The following TRIB2 variants were observed in gnomAD, a reference collection of about 807,000 sequenced individuals.
TRIB2 encodes tribbles pseudokinase 2, also known as tribbles homolog 2.
In TRIB2, 2 loss-of-function variants were observed where a neutral mutation model predicts 26.8. The observed-to-expected ratio is 0.07, with a 90% CI of 0.03 to 0.24. The LOEUF (loss-of-function observed/expected upper bound fraction) is 0.24. Ranked by LOEUF, TRIB2 falls within the 10% of genes least tolerant of loss-of-function variation. The pLI is 1.00. For missense variants in TRIB2, 306 were observed against 449.0 expected, an observed-to-expected ratio of 0.68 and a Z score of 2.88; for synonymous variants, 189 against 187.3, an observed-to-expected ratio of 1.01 and a Z score of -0.08.
At chr2:12,733,766 A>G (rs1661509432) in intron 2 of TRIB2, among the ~76,000 whole-genome samples, 1 of 152,164 alleles carries the variant, frequency 6.6e-6, no homozygotes, top group South Asian at 2.1e-4. Flanking sequence ...CAGGCCCTGT[A>G]GCTATTTGTT....
rs1434580040 is a variant in TRIB2 at position 12,741,121 on chromosome 2, A to G, written c.*327A>G. ...TTCCAAAATAGTTGCAGATCCTGAC[A>G]GAATCAAAACTCTCTGCCTCAAACA... On this transcript the variant is annotated 3_prime_UTR_variant, in exon 3 of 3. Transcript: ENST00000155926. 3.7e-6 allele frequency: 1 copy of G among 270,306 alleles called. No individual in the cohort carries two copies. Among genetic ancestry groups the G allele is most frequent in the African/African-American group, 2.2e-5 (1 of 45,682 alleles). The allele number at this position is 270,306 out of a possible 1,614,324, so 16.7% of individuals were successfully genotyped here. A position where few individuals can be genotyped will look rare whatever the true frequency, so the allele number is the denominator to read the frequency against.
chr2:12,736,304 C>A (rs552652767), intron 2 of TRIB2, among the ~76,000 whole-genome samples: 5 of 152,048 alleles, frequency 3.3e-5, no homozygotes, highest in Admixed American at 2.0e-4. Flanking sequence ...ATGTGAGGAA[C>A]AGCAAACAGG....
At position 12,718,051 on chromosome 2, in the gene TRIB2, G is replaced by T. The variant is rs113192828; in HGVS notation, c.-257G>T. ...AAGTGCGGCGATTCTGCACATCGCCGACTGCTTTGGGGTAACAAAAAGACC... is the reference window on the plus strand; with the variant it reads ...AAGTGCGGCGATTCTGCACATCGCCTACTGCTTTGGGGTAACAAAAAGACC... On this transcript the variant is annotated 5_prime_UTR_variant, in exon 1 of 3. Transcript: ENST00000155926. The surrounding 1 kb of genome is among the most constrained non-coding windows in gnomAD (Gnocchi z 4.0). 1.9e-6 allele frequency: 1 copy of T among 522,282 alleles called. No homozygotes were observed. The highest frequency in any genetic ancestry group is 1.9e-5 in the African/African-American group (1 of 52,786). 32.4% of individuals were successfully genotyped at this position (522,282 alleles called of 1,614,324 possible). A position where few individuals can be genotyped will look rare whatever the true frequency, so the allele number is the denominator to read the frequency against.
In TRIB2 at chr2:12,740,793, G is replaced by C; in HGVS notation, c.1031G>C (p.Ter344SerextTer13). 1 of 1,612,570 alleles carries C rather than the reference G, an allele frequency of 6.2e-7. No homozygotes were observed. The highest frequency in any genetic ancestry group is 8.5e-7 in the Non-Finnish European group (1 of 1,178,992). Residue 344 changes from the stop codon to serine, a stop_lost, in exon 3 of 3, where the codon TGA becomes TCA. Transcript: ENST00000155926. This position sits in a 1 kb window ranked among gnomAD's most constrained non-coding sequence, Gnocchi z 5.8. ...MEENLDPFFN[*>S] is the part of the protein sequence containing the mutation. ...GAGAACTTGGACCCTTTCTTTAACT[G>C]AGCTCATGCCCCACGGAGACTTAGC...
In TRIB2 at chr2:12,740,761, C is replaced by T; in HGVS notation, c.999C>T (p.Asn333=). Reference sequence around the variant, plus strand: ...CTGACCAGCTGGTGCCGGACGTCAACATGGAAGAGAACTTGGACCCTTTCT... The same window carrying T: ...CTGACCAGCTGGTGCCGGACGTCAATATGGAAGAGAACTTGGACCCTTTCT... ...EVSDQLVPDV[N]MEENLDPFFN The change falls in exon 3 of 3, where the codon AAC becomes AAT. Residue 333 remains asparagine, a synonymous_variant. Transcript: ENST00000155926. The surrounding 1 kb of genome is among the most constrained non-coding windows in gnomAD (Gnocchi z 5.8). 2 of 1,614,128 alleles carry T rather than the reference C, an allele frequency of 1.2e-6. 1 individual carries two copies. The highest frequency in any genetic ancestry group is 3.3e-4 in the Middle Eastern group (2 of 6,062).
intron 1 of TRIB2, among the ~76,000 whole-genome samples, chr2:12,721,928 C>T (rs1420139370): frequency 6.6e-6 from 1 of 152,222 alleles, no homozygotes; most frequent in Non-Finnish European, 1.5e-5. Flanking sequence ...CGGTATCGTG[C>T]ATGCATTTGA....
chr2:12,723,750 A>G (rs927588153), intron 2 of TRIB2, among the ~76,000 whole-genome samples, 198 bp downstream of exon 2: 2 of 152,362 alleles, frequency 1.3e-5, no homozygotes, highest in Admixed American at 1.3e-4. Flanking sequence ...TAAAGGTGTC[A>G]TCTGGTGCTC....
At chr2:12,737,124 C>T (rs1661596953) in intron 2 of TRIB2, among the ~76,000 whole-genome samples, 1 of 152,142 alleles carries the variant, frequency 6.6e-6, no homozygotes, top group Non-Finnish European at 1.5e-5. Flanking sequence ...GCAGCCGTGA[C>T]CAAGCCCTAG....
chr2:12,724,928 G>A, intron 2 of TRIB2: 1 of 1,442,908 alleles, frequency 6.9e-7, no homozygotes. Context: ...TTTAATAACT[G>A]CACCTACAAA....
At chr2:12,723,203 G>C in intron 1 of TRIB2, 57 bp from the exon 2 acceptor site, 1 of 1,556,392 alleles carries the variant, frequency 6.4e-7, no homozygotes, top group Non-Finnish European at 8.7e-7. Flanking sequence ...AGCATTATGT[G>C]TTTTGGTTGT....
chr2:12,732,086 G>A lies in TRIB2; in HGVS notation c.564-8240G>A, dbSNP rs1187644613. 1.3e-5 allele frequency among the ~76,000 whole-genome samples: 2 copies of A among 152,166 alleles called. No individual in the cohort carries two copies. Among genetic ancestry groups the A allele is most frequent in the Non-Finnish European group, 2.9e-5 (2 of 68,034 alleles). ...CTTTCTGTTCCTATGGCGACAGGAT[G>A]GACTTCCTCTGTGAAGCCCTGGCGG... On this transcript the variant is annotated intron_variant, in intron 2 of 2. Coordinates refer to ENST00000155926, the MANE Select transcript of TRIB2 (RefSeq NM_021643.4). The surrounding 1 kb of genome is among the most constrained non-coding windows in gnomAD (Gnocchi z 4.2).
intron 2 of TRIB2, among the ~76,000 whole-genome samples, chr2:12,726,088 G>A (rs1330958798): frequency 1.3e-5 from 2 of 152,244 alleles, no homozygotes; most frequent in Non-Finnish European, 2.9e-5. Flanking sequence ...GTCCCAGTGG[G>A]CTTGCTTTTC....
At chr2:12,739,309 G>T (rs1170582151) in intron 2 of TRIB2, among the ~76,000 whole-genome samples, 2 of 152,118 alleles carry the variant, frequency 1.3e-5, no homozygotes, top group Non-Finnish European at 2.9e-5. Context: ...ACCCAGGCTG[G>T]AATGCAGTAG....
rs189380107 is a variant in TRIB2, at chr2:12,719,867, T to C, written c.270+1290T>C. Among the ~76,000 whole-genome samples the C allele has an allele frequency of 2.6e-3, 391 of 152,294 alleles. 1 individual carries two copies. The highest frequency in any genetic ancestry group is 8.6e-3 in the African/African-American group (358 of 41,572). ...TGTACTGAGCATTTGGTATTTTGCATCTTCTCTAAGTTATTGAGACCCAGA... is the reference window on the plus strand; with the variant it reads ...TGTACTGAGCATTTGGTATTTTGCACCTTCTCTAAGTTATTGAGACCCAGA... On this transcript the variant is annotated intron_variant, in intron 1 of 2. Coordinates refer to ENST00000155926, the MANE Select transcript of TRIB2 (RefSeq NM_021643.4).
At chr2:12,728,046 A>G (rs1661371715) in intron 2 of TRIB2, among the ~76,000 whole-genome samples, 1 of 152,116 alleles carries the variant, frequency 6.6e-6, no homozygotes, top group African/African-American at 2.4e-5. Flanking sequence ...AGCTTGGGAG[A>G]AGTCCTGTTA....
At chr2:12,735,020 T>C (rs1661539007) in intron 2 of TRIB2, among the ~76,000 whole-genome samples, 1 of 152,144 alleles carries the variant, frequency 6.6e-6, no homozygotes. Context: ...CCCAAAGACC[T>C]TCAGCAGCCT....
rs542690302 is a variant in TRIB2 at position 12,740,119 on chromosome 2, C to G, written c.564-207C>G. 6.6e-6 allele frequency among the ~76,000 whole-genome samples: 1 copy of G among 152,204 alleles called. No homozygotes were observed. Among genetic ancestry groups the G allele is most frequent in the Non-Finnish European group, 1.5e-5 (1 of 68,036 alleles). ...ATGAAAAGACCTTGTCAGTCTTGTTCACCCATGTGGGTGTCCTCAGCCCTG... is the reference window on the plus strand; with the variant it reads ...ATGAAAAGACCTTGTCAGTCTTGTTGACCCATGTGGGTGTCCTCAGCCCTG... On this transcript the variant is annotated intron_variant, in intron 2 of 2. Coordinates refer to ENST00000155926, the MANE Select transcript of TRIB2 (RefSeq NM_021643.4). This position sits in a 1 kb window ranked among gnomAD's most constrained non-coding sequence, Gnocchi z 5.8.
At chr2:12,719,254 T>G (rs1386835331) in intron 1 of TRIB2, among the ~76,000 whole-genome samples, 1 of 152,148 alleles carries the variant, frequency 6.6e-6, no homozygotes, top group African/African-American at 2.4e-5. Context: ...CCCTGTCTGC[T>G]CATCCCCTCT....
intron 2 of TRIB2, among the ~76,000 whole-genome samples, chr2:12,731,932 GA>G (rs1432923407): frequency 6.6e-6 from 1 of 152,244 alleles, no homozygotes; most frequent in Non-Finnish European, 1.5e-5. Flanking sequence ...GCTTTGCGGA[GA>G]GGCCAATCCA....
Sources: allele counts gnomAD v4.1 joint callset (sites outside exome capture counted in the v4.1 genomes callset), GRCh38; gene constraint gnomAD v4.1.1; non-coding constraint Gnocchi (gnomAD v3.1); transcripts MANE v1.5; gene names NCBI Gene and HGNC (gene_info 2026-07-23, HGNC 2026-07-21).